Variants in PFKFB3 observed in about 807,000 individuals in gnomAD.
The protein encoded by PFKFB3 is 6-phosphofructo-2-kinase/fructose-2,6-bisphosphatase 3.
A neutral mutation model predicts 68.0 loss-of-function variants in PFKFB3; 33 were observed. The observed-to-expected ratio is 0.49, with a 90% CI of 0.37 to 0.65. The LOEUF (loss-of-function observed/expected upper bound fraction) is 0.65. Among genes scored for constraint, PFKFB3 ranks in the 30% least tolerant of loss-of-function variants. The pLI, the probability that PFKFB3 is intolerant of heterozygous loss-of-function variation, is 0.00. For synonymous variants in PFKFB3, 315 were observed against 288.2 expected (o/e 1.09, Z -0.94); for missense variants, 586 against 712.2 (o/e 0.82, Z 2.02).
intron 6 of PFKFB3, among the ~76,000 whole-genome samples, chr10:6,217,563 C>T (rs1374473946): frequency 8.3e-6 from 1 of 120,288 alleles, no homozygotes; most frequent in Non-Finnish European, 1.8e-5. Flanking sequence ...TCACTTGCTA[C>T]AGCTCCAGGA....
At chr10:6,175,507 G>C (rs78502737) in intron 1 of PFKFB3, among the ~76,000 whole-genome samples, 1,643 of 152,336 alleles carry the variant, frequency 0.011, 70 homozygotes, top group East Asian at 0.099. Context: ...GCGCCAACTA[G>C]CCCGGATCTC....
chr10:6,203,798 C>CT (rs1843500456), intron 1 of PFKFB3, among the ~76,000 whole-genome samples: 1 of 152,242 alleles, frequency 6.6e-6, no homozygotes, highest in Non-Finnish European at 1.5e-5. Context: ...CCTCGCTTCA[C>CT]TTAATAACCT....
intron 1 of PFKFB3, among the ~76,000 whole-genome samples, chr10:6,165,130 C>G (rs1311176811): frequency 3.9e-5 from 6 of 152,174 alleles, no homozygotes; most frequent in Non-Finnish European, 8.8e-5. Context: ...TTGGACAATA[C>G]CCAGGCTTTC....
chr10:6,238,155 T>A (rs186116110), downstream of PFKFB3, among the ~76,000 whole-genome samples: 3 of 151,896 alleles, frequency 2.0e-5, no homozygotes, highest in Admixed American at 1.3e-4. Context: ...TTTGGAGAAA[T>A]TTTTATTTAT....
chr10:6,196,701 A>G (rs1294146242), intron 1 of PFKFB3, among the ~76,000 whole-genome samples: 2 of 152,140 alleles, frequency 1.3e-5, no homozygotes, highest in South Asian at 2.1e-4. Context: ...GTGTCCACCC[A>G]GACGGAGGGT....
chr10:6,230,020 C>T (rs1032842495), intron 14 of PFKFB3, among the ~76,000 whole-genome samples: 3 of 152,176 alleles, frequency 2.0e-5, no homozygotes, highest in Non-Finnish European at 2.9e-5. Flanking sequence ...TTAGGGACCC[C>T]TGCGTTAGAC....
chr10:6,229,209 C>G lies in PFKFB3; in HGVS notation c.1515+2844C>G. ...TGGCATGGCGCTCAGATTTTGGTGGCAAAGGGGTGAAGGGCCAGAGGATGT... is the reference window on the plus strand; with the variant it reads ...TGGCATGGCGCTCAGATTTTGGTGGGAAAGGGGTGAAGGGCCAGAGGATGT... On this transcript the variant is annotated intron_variant, in intron 14 of 14. Transcript: ENST00000379775. The surrounding 1 kb of genome is among the most constrained non-coding windows in gnomAD (Gnocchi z 4.3). 1 of 491,478 alleles carries G rather than the reference C, an allele frequency of 2.0e-6. No homozygotes were observed. The highest frequency in any genetic ancestry group is 2.1e-5 in the Admixed American group (1 of 46,702). 30.4% of individuals were successfully genotyped at this position (491,478 alleles called of 1,614,324 possible). A position where few individuals can be genotyped will look rare whatever the true frequency, so the allele number is the denominator to read the frequency against.
the PFKFB3 span, among the ~76,000 whole-genome samples, chr10:6,282,132 G>A: frequency 6.6e-5 from 10 of 152,040 alleles, no homozygotes; most frequent in African/African-American, 2.2e-4. Flanking sequence ...ACCATGCCCG[G>A]CTGAATTTTA....
In PFKFB3 at chr10:6,228,706, G is replaced by A. The variant is rs1564643996; in HGVS notation, c.1515+2341G>A. Among the ~76,000 whole-genome samples the A allele has an allele frequency of 6.6e-6, 1 of 152,002 alleles. No homozygotes were observed. Among genetic ancestry groups the A allele is most frequent in the Non-Finnish European group, 1.5e-5 (1 of 67,988 alleles). ...TGGGGAATAGTGGGAGTGTGGTGGG[G>A]CCTGAGCTCTGAGCCTCTCCCTCCC... On this transcript the variant is annotated intron_variant, in intron 14 of 14. Transcript: ENST00000379775. This position sits in a 1 kb window ranked among gnomAD's most constrained non-coding sequence, Gnocchi z 4.5.
the PFKFB3 span, among the ~76,000 whole-genome samples, chr10:6,270,684 A>G: frequency 6.6e-6 from 1 of 152,146 alleles, no homozygotes; most frequent in Non-Finnish European, 1.5e-5. Context: ...CATGGCATCA[A>G]GGAGTCTTCC....
chr10:6,165,189 A>C (rs1391305509), intron 1 of PFKFB3, among the ~76,000 whole-genome samples: 1 of 152,190 alleles, frequency 6.6e-6, no homozygotes, highest in Non-Finnish European at 1.5e-5. Context: ...GTCCCTGGTT[A>C]ATCGAGAATG....
intron 1 of PFKFB3, among the ~76,000 whole-genome samples, chr10:6,184,771 CTT>C (rs35388630): frequency 3.3e-5 from 4 of 121,440 alleles, no homozygotes; most frequent in Admixed American, 8.7e-5. Flanking sequence ...CGCGCCTGGC[CTT>C]TTTTTTTTTT....
chr10:6,182,930 T>C (rs537521758), intron 1 of PFKFB3, among the ~76,000 whole-genome samples: 63 of 152,268 alleles, frequency 4.1e-4, no homozygotes, highest in Admixed American at 2.0e-3. Flanking sequence ...GGAAGGACTA[T>C]GGGGCCCCAC....
chr10:6,151,973 T>TAAA (rs71294421), intron 1 of PFKFB3, among the ~76,000 whole-genome samples: 16,371 of 141,290 alleles, frequency 0.12, 1,212 homozygotes, highest in South Asian at 0.28. Context: ...ACTGGGGAGC[T>TAAA]AAAAAAAAAA....
the PFKFB3 span, among the ~76,000 whole-genome samples, chr10:6,286,274 G>A: frequency 1.3e-5 from 2 of 152,044 alleles, no homozygotes; most frequent in Non-Finnish European, 2.9e-5. Flanking sequence ...ACCACGCCAG[G>A]CCCTTTCACT....
chr10:6,223,986 T>C lies in PFKFB3; in HGVS notation c.1242T>C (p.Leu414=). 6.2e-7 allele frequency: 1 copy of C among 1,614,188 alleles called. No individual in the cohort carries two copies. Among genetic ancestry groups the C allele is most frequent in the East Asian group, 2.2e-5 (1 of 44,876 alleles). ...AEEMPYLKCP[L]HTVLKLTPVA... is the part of the protein sequence containing the mutation. The stretch of plus-strand genomic sequence containing the variant: ...AGATGCCCTACCTGAAATGCCCTCT[T>C]CACACCGTCCTGAAACTGACGCCTG... The change falls in exon 12 of 15, where the codon CTT becomes CTC. Residue 414 remains leucine, a synonymous_variant. Transcript: ENST00000379775.
the PFKFB3 span, among the ~76,000 whole-genome samples, chr10:6,272,431 T>C: frequency 6.6e-6 from 1 of 152,138 alleles, no homozygotes; most frequent in East Asian, 1.9e-4. Context: ...CGGTGGCTCA[T>C]GCCTGTAATC....
At chr10:6,145,877 C>G (rs983427719) in intron 1 of PFKFB3, among the ~76,000 whole-genome samples, 1 of 152,224 alleles carries the variant, frequency 6.6e-6, no homozygotes, top group African/African-American at 2.4e-5. Flanking sequence ...CGCACCGGAC[C>G]CCGGTTTACA....
At chr10:6,219,451 G>A (rs1370299454) in intron 6 of PFKFB3, 118 bp from the exon 7 acceptor site, 83 of 1,090,006 alleles carry the variant, frequency 7.6e-5, no homozygotes, top group Non-Finnish European at 6.8e-5. Context: ...ACGCTGGGCC[G>A]GATAATCTTT....
Sources: gnomAD v4.1 joint callset for allele counts (sites outside exome capture counted in the v4.1 genomes callset) on GRCh38, gnomAD v4.1.1 for gene constraint, Gnocchi (gnomAD v3.1) non-coding constraint, MANE v1.5 for transcripts, NCBI Gene and HGNC (gene_info 2026-07-23, HGNC 2026-07-21) for gene names.